The following TLE4 variants were observed in gnomAD, a reference collection of about 807,000 sequenced individuals.
TLE4 encodes transducin-like enhancer protein 4.
TLE4 carries 8 observed loss-of-function variants against 92.8 expected under a neutral mutation model. That is an observed-to-expected ratio of 0.09 (90% CI 0.05 to 0.16). The LOEUF (loss-of-function observed/expected upper bound fraction) is 0.16. Ranked by LOEUF, TLE4 falls within the 10% of genes least tolerant of loss-of-function variation. The pLI, the probability that TLE4 is intolerant of heterozygous loss-of-function variation, is 1.00. For missense variants in TLE4, 675 were observed against 997.6 expected (o/e 0.68, Z 4.36); for synonymous variants, 371 against 374.1 (o/e 0.99, Z 0.10).
intron 4 of TLE4, chr9:79,576,421 T>G (rs994836271): frequency 3.0e-5 from 9 of 297,918 alleles, no homozygotes; most frequent in Non-Finnish European, 4.9e-5. Flanking sequence ...CTCTGTACAC[T>G]TTCAAAAGCA....
At chr9:79,638,710 G>A (rs1222485470) in intron 6 of TLE4, among the ~76,000 whole-genome samples, 2 of 152,218 alleles carry the variant, frequency 1.3e-5, no homozygotes, top group South Asian at 2.1e-4. Context: ...TTGACTCAAA[G>A]CAATTTGTAG....
chr9:79,645,665 AT>A (rs911193827), intron 6 of TLE4, among the ~76,000 whole-genome samples: 6 of 152,194 alleles, frequency 3.9e-5, no homozygotes, highest in African/African-American at 1.2e-4. Context: ...TATTAACAGC[AT>A]TGAGGCTGTG....
chr9:79,657,777 T>C (rs2059971609), intron 8 of TLE4, among the ~76,000 whole-genome samples: 1 of 152,126 alleles, frequency 6.6e-6, no homozygotes, highest in Non-Finnish European at 1.5e-5. Context: ...TAGCAAAAAA[T>C]AGGCACCAAA....
chr9:79,707,794 C>G (rs1044300416), intron 11 of TLE4, among the ~76,000 whole-genome samples: 6 of 152,158 alleles, frequency 3.9e-5, no homozygotes, highest in Non-Finnish European at 7.3e-5. Flanking sequence ...CACAGTTACC[C>G]CAGTCTTTAC....
rs2036533363 is a variant in TLE4, at chr9:79,573,436, G to A, written c.46-253G>A. On this transcript the variant is annotated intron_variant, in intron 1 of 19. Coordinates refer to ENST00000376552, the MANE Select transcript of TLE4 (RefSeq NM_007005.6). Reference sequence around the variant, plus strand: ...CTGTCTTTGGCCGGGGAGGGGAGACGGGACTCGAACCCTCGGGGTCCGGGG... The same window carrying A: ...CTGTCTTTGGCCGGGGAGGGGAGACAGGACTCGAACCCTCGGGGTCCGGGG... The A allele has an allele frequency of 1.9e-5, 22 of 1,173,250 alleles. 1 individual carries two copies. The South Asian group carries it at 5.6e-4, about 30-fold the overall frequency. 72.7% of individuals were successfully genotyped at this position (1,173,250 alleles called of 1,614,324 possible). A position where few individuals can be genotyped will look rare whatever the true frequency, so the allele number is the denominator to read the frequency against.
intron 8 of TLE4, among the ~76,000 whole-genome samples, chr9:79,674,885 A>G (rs1226271901): frequency 6.6e-6 from 1 of 152,198 alleles, no homozygotes; most frequent in African/African-American, 2.4e-5. Flanking sequence ...ATTAAAATGT[A>G]TGCAGATGAA....
intron 8 of TLE4, among the ~76,000 whole-genome samples, chr9:79,692,072 G>A (rs2067198182): frequency 6.6e-6 from 1 of 151,974 alleles, no homozygotes; most frequent in South Asian, 2.1e-4. Flanking sequence ...GTGTCTGCAT[G>A]CCCCCCTCCC....
chr9:79,708,071 T>A (rs1249216019), intron 11 of TLE4, 47 bp from the exon 12 acceptor site: 1 of 1,597,442 alleles, frequency 6.3e-7, no homozygotes, highest in African/African-American at 1.3e-5. Flanking sequence ...AACGTCATTG[T>A]TAAAACCATG....
intron 8 of TLE4, among the ~76,000 whole-genome samples, chr9:79,688,642 C>T (rs1325235771): frequency 2.0e-5 from 3 of 151,462 alleles, no homozygotes; most frequent in Non-Finnish European, 4.4e-5. Flanking sequence ...GATGTTTATA[C>T]GATATTCTTC....
chr9:79,705,303 G>A (rs985220032), intron 9 of TLE4, among the ~76,000 whole-genome samples: 3 of 152,226 alleles, frequency 2.0e-5, no homozygotes, highest in African/African-American at 7.2e-5. Flanking sequence ...AAATGTTGTG[G>A]AATAAAACAT....
At chr9:79,588,135 C>CGTGTGTGTGT (rs71364418) in intron 4 of TLE4, among the ~76,000 whole-genome samples, 6,539 of 146,754 alleles carry the variant, frequency 0.045, 277 homozygotes, top group African/African-American at 0.11. Context: ...TTTATCCTTG[C>CGTGTGTGTGT]GTGTGTGTGT....
intron 5 of TLE4, among the ~76,000 whole-genome samples, chr9:79,623,291 G>A (rs2051530842): frequency 6.6e-6 from 1 of 151,688 alleles, no homozygotes; most frequent in South Asian, 2.1e-4. Flanking sequence ...CTAAAACATT[G>A]GCATGACAGG....
intron 18 of TLE4, 126 bp downstream of exon 18, chr9:79,722,727 C>A: frequency 8.3e-7 from 1 of 1,204,074 alleles, no homozygotes. Flanking sequence ...CTATTACTTC[C>A]TGATACATGC....
chr9:79,583,538 T>C (rs1295526588), intron 4 of TLE4, among the ~76,000 whole-genome samples: 1 of 152,222 alleles, frequency 6.6e-6, no homozygotes, highest in Admixed American at 6.5e-5. Context: ...TGCAGGGCCC[T>C]GTTGCTTGCA....
At chr9:79,665,078 A>G (rs568651741) in intron 8 of TLE4, among the ~76,000 whole-genome samples, 98 of 152,382 alleles carry the variant, frequency 6.4e-4, no homozygotes, top group Non-Finnish European at 1.3e-3. Context: ...AAAGGTATTT[A>G]GGTGGGAAGA....
chr9:79,594,008 A>T (rs562461175), intron 4 of TLE4, among the ~76,000 whole-genome samples: 189 of 152,316 alleles, frequency 1.2e-3, no homozygotes, highest in African/African-American at 4.3e-3. Context: ...CCTCATCCAT[A>T]AAACAAGGGT....
chr9:79,576,108 T>C, intron 3 of TLE4, 25 bp from the exon 4 acceptor site: 1 of 1,445,320 alleles, frequency 6.9e-7, no homozygotes. Context: ...AGTCATGCAT[T>C]TAATTGCTTT....
At chr9:79,695,712 A>G (rs2068086110) in intron 8 of TLE4, among the ~76,000 whole-genome samples, 1 of 152,234 alleles carries the variant, frequency 6.6e-6, no homozygotes, top group African/African-American at 2.4e-5. Context: ...AGTGTGTTAG[A>G]GATCGGCTGG....
chr9:79,712,369 G>T (rs1483922604), intron 14 of TLE4, among the ~76,000 whole-genome samples: 1 of 152,094 alleles, frequency 6.6e-6, no homozygotes, highest in African/African-American at 2.4e-5. Flanking sequence ...GATTTTTACA[G>T]CAGAAATGAA....
Sources: gnomAD v4.1 joint callset for allele counts (sites outside exome capture counted in the v4.1 genomes callset) on GRCh38, gnomAD v4.1.1 for gene constraint, MANE v1.5 for transcripts, NCBI Gene and HGNC (gene_info 2026-07-23, HGNC 2026-07-21) for gene names.